The following RABGAP1L variants were observed in gnomAD, a reference collection of about 807,000 sequenced individuals.
RABGAP1L encodes the protein rab GTPase-activating protein 1-like.
In RABGAP1L, 63 loss-of-function variants were observed where a neutral mutation model predicts 137.7. The observed-to-expected ratio is 0.46, with a 90% confidence interval of 0.37 to 0.56. The LOEUF (loss-of-function observed/expected upper bound fraction) is 0.56. Among genes scored for constraint, RABGAP1L ranks in the 20% least tolerant of loss-of-function variants. The probability of loss-of-function intolerance (pLI) is 0.00; values close to 1 mark genes in which losing one functional copy is unlikely to be tolerated. For synonymous variants in RABGAP1L, 431 were observed against 433.7 expected, an observed-to-expected ratio of 0.99 and a Z score of 0.08; for missense variants, 1,095 against 1,244.0, an observed-to-expected ratio of 0.88 and a Z score of 1.80.
chr1:174,419,051 T>A (rs1414623950), intron 13 of RABGAP1L, among the ~76,000 whole-genome samples: 1 of 152,004 alleles, frequency 6.6e-6, no homozygotes, highest in Admixed American at 6.6e-5. Flanking sequence ...ATAAATAAAT[T>A]AATTAAGAAT....
intron 18 of RABGAP1L, among the ~76,000 whole-genome samples, chr1:174,797,934 A>G (rs1688396960): frequency 6.6e-6 from 1 of 151,876 alleles, no homozygotes; most frequent in African/African-American, 2.4e-5. Context: ...TTTACTTTGC[A>G]TAGTTTTTTG....
intron 24 of RABGAP1L, 112 bp downstream of exon 24, chr1:174,983,017 G>A: frequency 1.8e-6 from 2 of 1,115,550 alleles, no homozygotes; most frequent in Non-Finnish European, 2.6e-6. Context: ...TTATTAATAG[G>A]AATTATGGAG....
intron 13 of RABGAP1L, among the ~76,000 whole-genome samples, chr1:174,554,066 A>C (rs981462222): frequency 6.6e-6 from 1 of 152,216 alleles, no homozygotes; most frequent in African/African-American, 2.4e-5. Context: ...AAAGATTGCA[A>C]CTTTAATGGC....
At chr1:174,958,775 AGGATTT>A (rs1231031583) in intron 20 of RABGAP1L, among the ~76,000 whole-genome samples, 1 of 152,194 alleles carries the variant, frequency 6.6e-6, no homozygotes, top group Non-Finnish European at 1.5e-5. Context: ...TTTAGAGCAC[AGGATTT>A]GGACTCCAAA....
At chr1:174,596,334 C>G (rs1275144825) in intron 13 of RABGAP1L, among the ~76,000 whole-genome samples, 2 of 152,028 alleles carry the variant, frequency 1.3e-5, no homozygotes, top group Non-Finnish European at 2.9e-5. Context: ...ACGCTGGGAG[C>G]TGTAGACCGG....
rs917379437 is a variant in RABGAP1L at position 174,989,571 on chromosome 1, A to G, written c.3004-278A>G. On this transcript the variant is annotated intron_variant, in intron 25 of 25. Coordinates refer to ENST00000681986, the MANE Select transcript of RABGAP1L (RefSeq NM_001366446.1). Reference sequence around the variant, plus strand: ...TTTAAACCTGTTATATCGGATTGCAACCTAAACCTAAATTTGGACCTAACT... The same window carrying G: ...TTTAAACCTGTTATATCGGATTGCAGCCTAAACCTAAATTTGGACCTAACT... Among the ~76,000 whole-genome samples the G allele has an allele frequency of 3.3e-5, 5 of 152,220 alleles. No homozygotes were observed. The East Asian group carries it at 7.7e-4, about 23-fold the overall frequency.
Position 174,908,537 on chromosome 1 carries a change from CTTTTTTTTTTTTT to C in RABGAP1L, c.2341-48909_2341-48897del, listed in dbSNP as rs774387616. 2.1e-4 allele frequency among the ~76,000 whole-genome samples: 20 copies of C among 94,416 alleles called. No homozygotes were observed. The Admixed American group carries it at 2.4e-3, about 11-fold the overall frequency. The allele number at this position is 94,416 out of a possible 152,430, so 61.9% of individuals were successfully genotyped here. On this transcript the variant is annotated intron_variant, in intron 19 of 25. Coordinates refer to ENST00000681986, the MANE Select transcript of RABGAP1L (RefSeq NM_001366446.1). ...AAATAAGTAAGTTAAACAACATATT[CTTTTTTTTTTTTT>C]TTTTTTTTTTGAGAGGGAGTCTCAC...
intron 19 of RABGAP1L, among the ~76,000 whole-genome samples, chr1:174,845,174 G>A (rs1693919816): frequency 7.7e-6 from 1 of 129,290 alleles, no homozygotes; most frequent in Admixed American, 8.3e-5. Context: ...TCTGCAAACA[G>A]GGACAATTTG....
Position 174,606,520 on chromosome 1 carries a change from T to G in RABGAP1L, c.1711-30855T>G, listed in dbSNP as rs1572482237. Among the ~76,000 whole-genome samples, 3 of 152,372 alleles carry G rather than the reference T, an allele frequency of 2.0e-5. No individual in the cohort carries two copies. The Middle Eastern group carries it at 0.01, about 518-fold the overall frequency. ...TTTTTAAGACGTTAATTGGTTGGTC[T>G]TTATTTGGCATTTGATCAGAGGAGA... On this transcript the variant is annotated intron_variant, in intron 13 of 25. Coordinates refer to ENST00000681986, the MANE Select transcript of RABGAP1L (RefSeq NM_001366446.1).
intron 11 of RABGAP1L, among the ~76,000 whole-genome samples, chr1:174,357,834 C>G (rs1252124480): frequency 6.6e-6 from 1 of 152,206 alleles, no homozygotes; most frequent in Non-Finnish European, 1.5e-5. Context: ...AGTAGGCATT[C>G]AAGTTTGTTA....
At chr1:174,681,222 A>G (rs959145597) in intron 14 of RABGAP1L, among the ~76,000 whole-genome samples, 1 of 152,242 alleles carries the variant, frequency 6.6e-6, no homozygotes, top group Non-Finnish European at 1.5e-5. Context: ...CTAGGTATTT[A>G]TTCAAGGAAA....
chr1:174,560,646 C>T (rs1227780725), intron 13 of RABGAP1L, among the ~76,000 whole-genome samples: 2 of 152,088 alleles, frequency 1.3e-5, no homozygotes, highest in Non-Finnish European at 2.9e-5. Flanking sequence ...GTGTAATGTA[C>T]AAATGGTCTC....
intron 13 of RABGAP1L, among the ~76,000 whole-genome samples, chr1:174,473,356 A>G (rs188044192): frequency 3.0e-4 from 46 of 152,238 alleles, no homozygotes; most frequent in Non-Finnish European, 5.1e-4. Flanking sequence ...CCTACTTTGT[A>G]CTTCAGGTTC....
At chr1:174,180,539 A>T (rs895832174) in intron 1 of RABGAP1L, among the ~76,000 whole-genome samples, 2 of 152,204 alleles carry the variant, frequency 1.3e-5, no homozygotes, top group Non-Finnish European at 2.9e-5. Flanking sequence ...ATCATAGCTC[A>T]CTGCAGCCTT....
chr1:174,760,995 G>T (rs1685174374), intron 18 of RABGAP1L, among the ~76,000 whole-genome samples: 1 of 152,154 alleles, frequency 6.6e-6, no homozygotes, highest in Admixed American at 6.5e-5. Flanking sequence ...TTATTTTCTA[G>T]CAAGAGACAG....
At chr1:174,838,611 T>C (rs2148936785) in intron 19 of RABGAP1L, among the ~76,000 whole-genome samples, 1 of 152,134 alleles carries the variant, frequency 6.6e-6, no homozygotes, top group African/African-American at 2.4e-5. Context: ...AAACACCAAC[T>C]GCTTAACCAG....
chr1:174,360,610 C>G (rs1276631779), intron 11 of RABGAP1L, among the ~76,000 whole-genome samples: 1 of 152,066 alleles, frequency 6.6e-6, no homozygotes, highest in Non-Finnish European at 1.5e-5. Flanking sequence ...CAACATATAA[C>G]TTGTAGCTGG....
chr1:174,527,212 T>A (rs908422779), intron 13 of RABGAP1L, among the ~76,000 whole-genome samples: 131 of 150,684 alleles, frequency 8.7e-4, no homozygotes, highest in African/African-American at 2.8e-3. Context: ...TTGTTTTTTT[T>A]TTTTTTTTTG....
intron 12 of RABGAP1L, among the ~76,000 whole-genome samples, chr1:174,372,004 C>G (rs115718785): frequency 6.6e-6 from 1 of 151,800 alleles, no homozygotes; most frequent in Non-Finnish European, 1.5e-5. Flanking sequence ...AAATTTGGAC[C>G]AAAGTATTGG....
Sources: allele counts gnomAD v4.1 joint callset (sites outside exome capture counted in the v4.1 genomes callset), GRCh38; gene constraint gnomAD v4.1.1; transcripts MANE v1.5; gene names NCBI Gene and HGNC (gene_info 2026-07-23, HGNC 2026-07-21).